The following MYOF variants were observed in gnomAD, a reference collection of about 807,000 sequenced individuals.
MYOF encodes fer-1-like 3, myoferlin.
Under a neutral mutation model 284.2 loss-of-function variants are expected in MYOF, and 244 were observed. The ratio of observed to expected loss-of-function variants is 0.86; its 90% CI spans 0.77 to 0.95. The LOEUF is 0.95. Among genes scored for constraint, MYOF ranks in the 40% least tolerant of loss-of-function variants. The pLI is 0.00. For synonymous variants in MYOF, 904 were observed against 919.7 expected (o/e 0.98, Z 0.31); for missense variants, 2,496 against 2,560.6 (o/e 0.97, Z 0.54).
In MYOF at chr10:93,345,700, C is replaced by A. The variant is rs529750914; in HGVS notation, c.4250-1768G>T. Among the ~76,000 whole-genome samples, 5 of 152,328 alleles carry A rather than the reference C, an allele frequency of 3.3e-5. No individual in the cohort carries two copies. The East Asian group carries it at 9.6e-4, about 29-fold the overall frequency. On this transcript the variant is annotated intron_variant, in intron 37 of 53. Transcript: ENST00000359263. ...CTCCACTTCACCCTCCTCATGGAAACAAAGCCCAAGGGACAGGAGGAGAAA... is the reference window on the plus strand; with the variant it reads ...CTCCACTTCACCCTCCTCATGGAAAAAAAGCCCAAGGGACAGGAGGAGAAA...
At chr10:93,328,269 G>GA (rs1843143087) in intron 45 of MYOF, among the ~76,000 whole-genome samples, 1 of 152,150 alleles carries the variant, frequency 6.6e-6, no homozygotes, top group Non-Finnish European at 1.5e-5. Context: ...TCATAGTGTA[G>GA]CTAGCTGTTG....
chr10:93,345,185 T>C (rs937247779), intron 37 of MYOF, among the ~76,000 whole-genome samples: 2 of 152,232 alleles, frequency 1.3e-5, no homozygotes, highest in African/African-American at 4.8e-5. Flanking sequence ...ACAAACCTTT[T>C]TCGGTACCCA....
intron 5 of MYOF, chr10:93,425,700 G>A (rs975294983): frequency 1.4e-5 from 3 of 215,616 alleles, no homozygotes; most frequent in Non-Finnish European, 2.8e-5. Flanking sequence ...GGGAGGTGAG[G>A]AGACACACAG....
At chr10:93,319,332 T>G (rs1305780874) in intron 49 of MYOF, among the ~76,000 whole-genome samples, 1 of 152,202 alleles carries the variant, frequency 6.6e-6, no homozygotes, top group Non-Finnish European at 1.5e-5. Flanking sequence ...AAGCCTGGAC[T>G]TTTTGGTAAT....
chr10:93,460,590 C>A (rs2056849371), intron 1 of MYOF, among the ~76,000 whole-genome samples: 1 of 151,830 alleles, frequency 6.6e-6, no homozygotes, highest in African/African-American at 2.4e-5. Context: ...ATGGGTGAAA[C>A]CCCGTCTCTA....
At chr10:93,317,616 G>A (rs1376704444) in intron 49 of MYOF, among the ~76,000 whole-genome samples, 2 of 151,996 alleles carry the variant, frequency 1.3e-5, no homozygotes, top group African/African-American at 2.4e-5. Context: ...CAGCCTGGGC[G>A]ACAGAGATTC....
chr10:93,454,179 T>C (rs925828373), intron 2 of MYOF, among the ~76,000 whole-genome samples: 3 of 151,962 alleles, frequency 2.0e-5, no homozygotes, highest in African/African-American at 7.2e-5. Context: ...CAAAACTCCA[T>C]CTTAAAAGAA....
intron 1 of MYOF, among the ~76,000 whole-genome samples, chr10:93,465,538 C>CTTGTTTT (rs2056987090): frequency 8.9e-6 from 1 of 112,164 alleles, no homozygotes; most frequent in African/African-American, 3.3e-5. Flanking sequence ...TTTTTCTTTT[C>CTTGTTTT]TTTTTTTTTT....
intron 31 of MYOF, among the ~76,000 whole-genome samples, chr10:93,354,094 G>A (rs923994808): frequency 1.2e-4 from 19 of 152,162 alleles, no homozygotes; most frequent in African/African-American, 3.9e-4. Context: ...TATTTTTTAG[G>A]CTGGGTGCAG....
chr10:93,347,913 C>T, intron 36 of MYOF, 131 bp from the exon 37 acceptor site: 1 of 904,570 alleles, frequency 1.1e-6, no homozygotes. Flanking sequence ...TTCAGTTACT[C>T]ATGTGCCAGG....
Position 93,334,860 on chromosome 10 carries a change from G to A in MYOF, c.4564-947C>T, listed in dbSNP as rs565591588. On this transcript the variant is annotated intron_variant, in intron 41 of 53. Transcript: ENST00000359263. ...TGTGCCATATGTGATTGCTTGGTGG[G>A]AGGCTGTACTGAGAAGGATTTGAGA... Among the ~76,000 whole-genome samples the A allele has an allele frequency of 2.6e-5, 4 of 152,254 alleles. No individual in the cohort carries two copies. In the South Asian group the frequency reaches 8.3e-4, roughly 32 times the overall value.
intron 1 of MYOF, among the ~76,000 whole-genome samples, chr10:93,461,694 G>A (rs2056886934): frequency 6.6e-6 from 1 of 152,176 alleles, no homozygotes. Flanking sequence ...TGGAACCAAA[G>A]AGCATAGAAC....
At chr10:93,451,275 G>T (rs955678256) in intron 3 of MYOF, among the ~76,000 whole-genome samples, 1 of 152,116 alleles carries the variant, frequency 6.6e-6, no homozygotes, top group East Asian at 1.9e-4. Context: ...GGGAGGTGAA[G>T]GTTGCAGTGA....
At position 93,337,807 on chromosome 10, in the gene MYOF, C is replaced by G. The variant is rs768377449; in HGVS notation, c.4437+8G>C. On this transcript the variant is annotated splice_region_variant and intron_variant, in intron 40 of 53. Coordinates refer to ENST00000359263, the MANE Select transcript of MYOF (RefSeq NM_013451.4). Reference sequence around the variant, plus strand: ...ATTCTCCACCCATAGCAGCATAGATCCAGGTACCTTGAGCTTGGAATAGCC... The same window carrying G: ...ATTCTCCACCCATAGCAGCATAGATGCAGGTACCTTGAGCTTGGAATAGCC... 1.7e-5 allele frequency: 27 copies of G among 1,610,012 alleles called. No homozygotes were observed. The highest frequency in any genetic ancestry group is 2.7e-5 in the African/African-American group (2 of 74,808).
chr10:93,347,586 CCCCA>C (rs1844278037), intron 37 of MYOF, 27 bp downstream of exon 37: 1 of 1,006,164 alleles, frequency 9.9e-7, no homozygotes, highest in Non-Finnish European at 1.4e-6. Flanking sequence ...AAAGAAAAGC[CCCCA>C]GACTTATGCA....
intron 37 of MYOF, among the ~76,000 whole-genome samples, chr10:93,344,216 A>G (rs1164420765): frequency 6.6e-6 from 1 of 152,226 alleles, no homozygotes; most frequent in African/African-American, 2.4e-5. Context: ...TCAAAAAACA[A>G]TTGTGTCAAT....
chr10:93,474,203 C>T (rs762402263), intron 1 of MYOF, among the ~76,000 whole-genome samples: 4 of 152,132 alleles, frequency 2.6e-5, no homozygotes, highest in Non-Finnish European at 5.9e-5. Context: ...TGCTGAGAAG[C>T]ATTTGACTCA....
At chr10:93,421,917 C>T (rs762153814) in intron 5 of MYOF, among the ~76,000 whole-genome samples, 1 of 151,392 alleles carries the variant, frequency 6.6e-6, no homozygotes. Flanking sequence ...TCTAGATAGT[C>T]GAGGCTATTA....
Position 93,359,987 on chromosome 10 carries a change from G to C in MYOF, c.2975-9C>G. The C allele has an allele frequency of 6.2e-7, 1 of 1,614,134 alleles. No individual in the cohort carries two copies. ...GATTCCATATTCCCAGCCTGGAACA[G>C]AGTTTGTGAATGGTTACCCAGAAGA... On this transcript the variant is annotated splice_polypyrimidine_tract_variant and intron_variant, in intron 28 of 53. Transcript: ENST00000359263.
Sources: gnomAD v4.1 joint callset for allele counts (sites outside exome capture counted in the v4.1 genomes callset) on GRCh38, gnomAD v4.1.1 for gene constraint, MANE v1.5 for transcripts, NCBI Gene and HGNC (gene_info 2026-07-23, HGNC 2026-07-21) for gene names.